TRHDE: variants seen among roughly 807,000 people sequenced by gnomAD.
TRHDE encodes thyrotropin releasing hormone degrading enzyme, also known as thyrotropin-releasing hormone-degrading ectoenzyme.
In TRHDE, 72 loss-of-function variants were observed where a neutral mutation model predicts 125.7. That is an observed-to-expected ratio of 0.57 (90% CI 0.47 to 0.70). The LOEUF (loss-of-function observed/expected upper bound fraction) is 0.70. TRHDE is among the 30% of genes least tolerant of loss of function. TRHDE has a pLI of 0.00. For missense variants in TRHDE, 1,110 were observed against 1,327.1 expected (o/e 0.84, Z 2.54); for synonymous variants, 509 against 509.1 (o/e 1.00, Z 0.00).
intron 2 of TRHDE, among the ~76,000 whole-genome samples, chr12:72,288,718 A>G (rs1009918875): frequency 6.6e-6 from 1 of 152,082 alleles, no homozygotes; most frequent in Non-Finnish European, 1.5e-5. Flanking sequence ...TCAGCCCTAA[A>G]CAATTATGCT....
At chr12:72,238,275 A>AATATATATATATATATAT (rs71071820) in intron 2 of TRHDE, among the ~76,000 whole-genome samples, 4 of 38,220 alleles carry the variant, frequency 1.0e-4, no homozygotes, top group African/African-American at 1.4e-4. Flanking sequence ...TCAGATCCTT[A>AATATATATATATATATAT]ATATATATAT....
At chr12:72,321,489 A>G (rs1869093251) in intron 2 of TRHDE, among the ~76,000 whole-genome samples, 1 of 152,172 alleles carries the variant, frequency 6.6e-6, no homozygotes, top group Non-Finnish European at 1.5e-5. Context: ...ATACTTGTTC[A>G]CCATTTCTGC....
intron 3 of TRHDE, among the ~76,000 whole-genome samples, chr12:72,438,477 A>G (rs577384037): frequency 6.6e-6 from 1 of 151,932 alleles, no homozygotes; most frequent in South Asian, 2.1e-4. Flanking sequence ...TCTAAGAGGT[A>G]TGAGATGGTA....
intron 15 of TRHDE, among the ~76,000 whole-genome samples, chr12:72,633,645 G>A (rs185528566): frequency 2.6e-5 from 4 of 152,006 alleles, no homozygotes; most frequent in African/African-American, 4.8e-5. Context: ...CTGACTATGC[G>A]TTTCACTTGG....
intron 2 of TRHDE, among the ~76,000 whole-genome samples, chr12:72,124,686 A>G (rs574263428): frequency 1.3e-5 from 2 of 152,318 alleles, no homozygotes; most frequent in South Asian, 4.1e-4. Context: ...TGGAACATTT[A>G]GATTACTTCT....
At chr12:72,174,634 T>G (rs1420008914) in intron 2 of TRHDE, among the ~76,000 whole-genome samples, 1 of 152,212 alleles carries the variant, frequency 6.6e-6, no homozygotes, top group Non-Finnish European at 1.5e-5. Context: ...AGAGCAATTA[T>G]TTTGAAGAAC....
chr12:72,311,243 A>AAGAATAGCTATTTTTAACT (rs1868529465), intron 2 of TRHDE, among the ~76,000 whole-genome samples: 1 of 152,072 alleles, frequency 6.6e-6, no homozygotes, highest in Non-Finnish European at 1.5e-5. Context: ...TTTTCTAGAA[A>AAGAATAGCTATTTTTAACT]GTCATCTGTA....
At chr12:72,537,349 G>A (rs1445816971) in intron 6 of TRHDE, among the ~76,000 whole-genome samples, 1 of 151,952 alleles carries the variant, frequency 6.6e-6, no homozygotes, top group African/African-American at 2.4e-5. Flanking sequence ...TGTCAAGGAA[G>A]GGAACTGATT....
intron 15 of TRHDE, among the ~76,000 whole-genome samples, chr12:72,638,178 C>G (rs1357597223): frequency 1.9e-4 from 28 of 147,546 alleles, no homozygotes; most frequent in Non-Finnish European, 3.1e-4. Flanking sequence ...CTTTATGAAT[C>G]TGGGTGCTCC....
intron 10 of TRHDE, among the ~76,000 whole-genome samples, chr12:72,573,232 G>A: frequency 6.6e-6 from 1 of 151,784 alleles, no homozygotes; most frequent in East Asian, 1.9e-4. Flanking sequence ...TAAGATCTCT[G>A]TTTTGAGGTT....
Position 72,641,482 on chromosome 12 carries a change from A to G in TRHDE, c.2676-10840A>G, listed in dbSNP as rs1592591831. Reference sequence around the variant, plus strand: ...TCGTCTGTCCTTTCAGTCTATTTTTACTAAGAACGTACACATTATGTTATT... The same window carrying G: ...TCGTCTGTCCTTTCAGTCTATTTTTGCTAAGAACGTACACATTATGTTATT... On this transcript the variant is annotated intron_variant, in intron 15 of 18. Coordinates refer to ENST00000261180, the MANE Select transcript of TRHDE (RefSeq NM_013381.3). 2.6e-5 allele frequency among the ~76,000 whole-genome samples: 4 copies of G among 152,212 alleles called. No individual in the cohort carries two copies. In the East Asian group the frequency reaches 7.7e-4, roughly 29 times the overall value.
rs1002109144 is a variant in TRHDE, at chr12:72,473,189, A to G, written c.1584+9A>G. The G allele has an allele frequency of 3.7e-6, 6 of 1,605,910 alleles. No homozygotes were observed. Among genetic ancestry groups the G allele is most frequent in the Non-Finnish European group, 4.3e-6 (5 of 1,172,838 alleles). ...ATCCTGGCTGGAACATGGTAAGTGC[A>G]CTTGAATTATTTGAAACTTTTAGTA... On this transcript the variant is annotated intron_variant, in intron 5 of 18. Coordinates refer to ENST00000261180, the MANE Select transcript of TRHDE (RefSeq NM_013381.3).
At chr12:72,457,528 T>A (rs888842593) in intron 3 of TRHDE, among the ~76,000 whole-genome samples, 3 of 152,082 alleles carry the variant, frequency 2.0e-5, no homozygotes, top group Admixed American at 6.6e-5. Context: ...ATAAGTGATT[T>A]AAAAAATTAA....
intron 2 of TRHDE, among the ~76,000 whole-genome samples, chr12:72,149,093 T>C (rs1275259455): frequency 6.6e-6 from 1 of 152,130 alleles, no homozygotes; most frequent in Admixed American, 6.6e-5. Flanking sequence ...AATTCTAACA[T>C]GATTTTTTTT....
At chr12:72,248,455 A>G (rs569248648) in intron 2 of TRHDE, among the ~76,000 whole-genome samples, 1 of 148,656 alleles carries the variant, frequency 6.7e-6, no homozygotes, top group Non-Finnish European at 1.5e-5. Context: ...GTGCTTATTC[A>G]TATGTGTTTT....
intron 2 of TRHDE, among the ~76,000 whole-genome samples, chr12:72,297,781 T>C (rs757855987): frequency 3.9e-5 from 6 of 152,162 alleles, no homozygotes; most frequent in Non-Finnish European, 7.3e-5. Context: ...GATGAGAGTG[T>C]GGGCAGAAGT....
chr12:72,265,081 TA>T (rs1171764866), intron 2 of TRHDE, among the ~76,000 whole-genome samples: 1 of 151,770 alleles, frequency 6.6e-6, no homozygotes, highest in African/African-American at 2.4e-5. Flanking sequence ...GTTTCTCTTT[TA>T]TCTTTTCTAT....
intron 7 of TRHDE, among the ~76,000 whole-genome samples, chr12:72,558,835 T>C (rs1244078723): frequency 6.6e-6 from 1 of 152,076 alleles, no homozygotes; most frequent in Non-Finnish European, 1.5e-5. Flanking sequence ...GGAGCCAATA[T>C]AGGGGAGGAT....
At chr12:72,561,980 CTTAA>C (rs1455810231) in intron 7 of TRHDE, among the ~76,000 whole-genome samples, 181 bp from the exon 8 acceptor site, 1 of 151,880 alleles carries the variant, frequency 6.6e-6, no homozygotes, top group African/African-American at 2.4e-5. Flanking sequence ...TGTTCGACGA[CTTAA>C]TTAGGAAATA....
Sources: allele counts gnomAD v4.1 joint callset (sites outside exome capture counted in the v4.1 genomes callset), GRCh38; gene constraint gnomAD v4.1.1; transcripts MANE v1.5; gene names NCBI Gene and HGNC (gene_info 2026-07-23, HGNC 2026-07-21).